Variants in NRG2 observed in about 807,000 individuals in gnomAD.
NRG2 encodes the protein neuregulin 2.
Under a neutral mutation model 73.9 loss-of-function variants are expected in NRG2, and 27 were observed. That is an observed-to-expected ratio of 0.37 (90% CI 0.27 to 0.50). NRG2 has a LOEUF of 0.50. Ranked by LOEUF, NRG2 falls within the 20% of genes least tolerant of loss-of-function variation. The pLI, the probability that NRG2 is intolerant of heterozygous loss-of-function variation, is 0.96. For missense variants in NRG2, 1,126 were observed against 1,210.1 expected (o/e 0.93, Z 1.03); for synonymous variants, 532 against 541.0 (o/e 0.98, Z 0.23).
At chr5:139,997,295 A>C (rs2126610908) in intron 1 of NRG2, among the ~76,000 whole-genome samples, 1 of 152,314 alleles carries the variant, frequency 6.6e-6, no homozygotes, top group Admixed American at 6.5e-5. Flanking sequence ...TTACCCACCC[A>C]GAGGCACTAC....
At chr5:139,926,093 G>C (rs1190623446) in intron 1 of NRG2, among the ~76,000 whole-genome samples, 2 of 152,188 alleles carry the variant, frequency 1.3e-5, no homozygotes, top group African/African-American at 4.8e-5. Context: ...GGTGTGGAGA[G>C]AGCCTAGGGC....
In NRG2 at chr5:139,852,790, G is replaced by A. The variant is rs1190894472; in HGVS notation, c.1416+114C>T. 9.1e-6 allele frequency: 14 copies of A among 1,539,656 alleles called. No individual in the cohort carries two copies. The highest frequency in any genetic ancestry group is 1.2e-5 in the Non-Finnish European group (14 of 1,138,288). ...ATCCTGGTGAGGCAGTGCCTAGCAG[G>A]CAAGGCTGGCCATGGGATAGGCTGG... On this transcript the variant is annotated intron_variant, in intron 7 of 9. Coordinates refer to ENST00000361474, the MANE Select transcript of NRG2 (RefSeq NM_004883.3). The surrounding 1 kb of genome is among the most constrained non-coding windows in gnomAD (Gnocchi z 4.4).
chr5:140,043,085 G>C lies in NRG2; in HGVS notation c.-16C>G, dbSNP rs369753660. ...CCTGCCGCATCTGGCCAGGCCATTT[G>C]GGGGGCTCCGCCGCTCAGCCGCCGC... On this transcript the variant is annotated 5_prime_UTR_variant, in exon 1 of 10. Coordinates refer to ENST00000361474, the MANE Select transcript of NRG2 (RefSeq NM_004883.3). This position sits in a 1 kb window ranked among gnomAD's most constrained non-coding sequence, Gnocchi z 6.7. 29 of 1,571,176 alleles carry C rather than the reference G, an allele frequency of 1.8e-5. No homozygotes were observed. Among genetic ancestry groups the C allele is most frequent in the Non-Finnish European group, 2.3e-5 (27 of 1,167,824 alleles).
In NRG2 at chr5:139,852,964, C is replaced by T; in HGVS notation, c.1356G>A (p.Arg452=). The part of the protein sequence containing the change: ...RQNMCPAHQN[R]SLANGPSHPR... ...GGTGGCTGGGCCCATTGGCCAAGCT[C>T]CGGTTCTGATGGGCCGGGCACATGT... The change falls in exon 7 of 10, where the codon CGG becomes CGA. Residue 452 remains arginine (R), a synonymous_variant. Coordinates refer to ENST00000361474, the MANE Select transcript of NRG2 (RefSeq NM_004883.3). The surrounding 1 kb of genome is among the most constrained non-coding windows in gnomAD (Gnocchi z 4.4). The T allele has an allele frequency of 6.2e-7, 1 of 1,612,804 alleles. No homozygotes were observed. The highest frequency in any genetic ancestry group is 1.1e-5 in the South Asian group (1 of 90,882).
intron 1 of NRG2, among the ~76,000 whole-genome samples, chr5:139,964,462 C>A (rs921526361): frequency 1.2e-4 from 18 of 151,946 alleles, no homozygotes; most frequent in African/African-American, 4.4e-4. Flanking sequence ...TCAGAGGTAC[C>A]CAAAACCTCA....
At chr5:139,956,456 A>G (rs1754634517) in intron 1 of NRG2, among the ~76,000 whole-genome samples, 1 of 152,050 alleles carries the variant, frequency 6.6e-6, no homozygotes, top group African/African-American at 2.4e-5. Flanking sequence ...CCTAGCCCCA[A>G]GACTCTAAGG....
chr5:139,853,126 C>T lies in NRG2; in HGVS notation c.1293-99G>A. On this transcript the variant is annotated intron_variant, in intron 6 of 9. Coordinates refer to ENST00000361474, the MANE Select transcript of NRG2 (RefSeq NM_004883.3). The surrounding 1 kb of genome is among the most constrained non-coding windows in gnomAD (Gnocchi z 4.1). ...TAGGGAAACAGCTTTTCCTCCTGCC[C>T]AGGGTGGCCATGGCTACTGCTCGTC... 1 of 1,538,098 alleles carries T rather than the reference C, an allele frequency of 6.5e-7. No homozygotes were observed. Among genetic ancestry groups the T allele is most frequent in the South Asian group, 1.2e-5 (1 of 80,804 alleles).
At chr5:139,961,677 A>G (rs563602895) in intron 1 of NRG2, among the ~76,000 whole-genome samples, 94 of 152,192 alleles carry the variant, frequency 6.2e-4, no homozygotes, top group African/African-American at 2.2e-3. Flanking sequence ...CATTCCCACT[A>G]TGTGTCACCA....
rs568141055 is a variant in NRG2, at chr5:139,913,018, A to G, written c.701-25507T>C. On this transcript the variant is annotated intron_variant, in intron 1 of 9. Coordinates refer to ENST00000361474, the MANE Select transcript of NRG2 (RefSeq NM_004883.3). The stretch of plus-strand genomic sequence containing the variant: ...CTGCCAGCCTCCCTCCCACCTTTGA[A>G]GGTCAACTACTGGTTCTCTGGAAAC... Among the ~76,000 whole-genome samples the G allele has an allele frequency of 8.5e-5, 13 of 152,210 alleles. No homozygotes were observed. The East Asian group carries it at 2.1e-3, about 25-fold the overall frequency.
chr5:139,916,547 TC>T (rs1250939049), intron 1 of NRG2, among the ~76,000 whole-genome samples: 2 of 152,004 alleles, frequency 1.3e-5, no homozygotes, highest in Non-Finnish European at 2.9e-5. Context: ...TAGCACCCCC[TC>T]CCCCTGCCAT....
chr5:139,883,487 AAGAC>A, intron 2 of NRG2, among the ~76,000 whole-genome samples: 1 of 152,206 alleles, frequency 6.6e-6, no homozygotes, highest in South Asian at 2.1e-4. Flanking sequence ...AGTGGGCACA[AAGAC>A]AGACAGCACC....
intron 1 of NRG2, among the ~76,000 whole-genome samples, chr5:139,948,104 T>C (rs1215673013): frequency 2.0e-5 from 3 of 152,176 alleles, no homozygotes; most frequent in South Asian, 2.1e-4. Flanking sequence ...GCAGCCACCA[T>C]TCTACTTTCT....
In NRG2 at chr5:139,913,094, A is replaced by G. The variant is rs556519782; in HGVS notation, c.701-25583T>C. Among the ~76,000 whole-genome samples the G allele has an allele frequency of 2.4e-3, 363 of 152,286 alleles. 2 individuals are homozygous for G. The highest frequency in any genetic ancestry group is 2.6e-3 in the Non-Finnish European group (179 of 68,014). ...GGATGTATGTGGGGCTGCTCATGGG[A>G]AGTGGCATGCACACACAGGACCTCA... is the stretch of plus-strand genomic sequence containing the variant. On this transcript the variant is annotated intron_variant, in intron 1 of 9. Coordinates refer to ENST00000361474, the MANE Select transcript of NRG2 (RefSeq NM_004883.3).
intron 1 of NRG2, among the ~76,000 whole-genome samples, chr5:139,953,951 C>T (rs1754424825): frequency 6.6e-6 from 1 of 152,136 alleles, no homozygotes. Context: ...AAACCCCTCC[C>T]CCATCCCTGG....
At chr5:139,996,866 G>T (rs2126609621) in intron 1 of NRG2, among the ~76,000 whole-genome samples, 1 of 151,996 alleles carries the variant, frequency 6.6e-6, no homozygotes, top group East Asian at 1.9e-4. Flanking sequence ...AGACGTGGTG[G>T]CTCACGCCTA....
intron 1 of NRG2, among the ~76,000 whole-genome samples, chr5:139,889,545 T>TG (rs1477260016): frequency 6.6e-6 from 1 of 152,138 alleles, no homozygotes; most frequent in Admixed American, 6.6e-5. Flanking sequence ...ACACACTCAG[T>TG]TTTTCTTACA....
chr5:139,927,694 G>A (rs575412107), intron 1 of NRG2, among the ~76,000 whole-genome samples: 1 of 150,864 alleles, frequency 6.6e-6, no homozygotes, highest in Non-Finnish European at 1.5e-5. Context: ...AACCCGGAAG[G>A]CGGAGGTTGC....
intron 1 of NRG2, among the ~76,000 whole-genome samples, chr5:140,030,893 T>C (rs774813161): frequency 1.3e-5 from 2 of 152,146 alleles, no homozygotes; most frequent in African/African-American, 2.4e-5. Context: ...TTAATGTATA[T>C]GTTACTAAGA....
chr5:139,855,413 A>C (rs953019094), intron 6 of NRG2, among the ~76,000 whole-genome samples: 1 of 152,192 alleles, frequency 6.6e-6, no homozygotes, highest in Admixed American at 6.5e-5. Context: ...TTGAACCCAG[A>C]TTCGTCTTCT....
Sources: gnomAD v4.1 joint callset for allele counts (sites outside exome capture counted in the v4.1 genomes callset) on GRCh38, gnomAD v4.1.1 for gene constraint, Gnocchi (gnomAD v3.1) non-coding constraint, MANE v1.5 for transcripts, NCBI Gene and HGNC (gene_info 2026-07-23, HGNC 2026-07-21) for gene names.